VWF: variants seen among roughly 807,000 people sequenced by gnomAD.
The protein encoded by VWF is Factor VIII related antigen.
A neutral mutation model predicts 308.6 loss-of-function variants in VWF; 176 were observed. The observed-to-expected ratio is 0.57, with a 90% confidence interval of 0.50 to 0.65. The LOEUF is 0.65. VWF is among the 30% of genes least tolerant of loss of function. The pLI is 0.00. For missense variants in VWF, 3,146 were observed against 3,648.2 expected, an observed-to-expected ratio of 0.86 and a Z score of 3.55; for synonymous variants, 1,385 against 1,443.4, an observed-to-expected ratio of 0.96 and a Z score of 0.92.
chr12:6,108,330 T>TAC (rs1230831714), intron 5 of VWF, among the ~76,000 whole-genome samples: 10 of 50,460 alleles, frequency 2.0e-4, no homozygotes, highest in African/African-American at 4.8e-4. Context: ...AAGAAAGAAA[T>TAC]ATATACACAC....
Position 6,046,732 on chromosome 12 carries a change from A to T in VWF, c.2272T>A (p.Ser758Thr), listed in dbSNP as rs759131281. ...LPDAVLSSPLSHRSKRSLSCR... is the reference protein window; with the variant it reads ...LPDAVLSSPLTHRSKRSLSCR... The stretch of plus-strand genomic sequence containing the variant: ...GGGGGACAGTACTCACTGCGATGAG[A>T]CAGGGGACTGCTGAGGACAGCGTCA... The change falls in exon 17 of 52, where the codon TCT becomes ACT. Residue 758 changes from serine (S) to threonine (T), a missense_variant. Coordinates refer to ENST00000261405, the MANE Select transcript of VWF (RefSeq NM_000552.5). This position sits in a 1 kb window ranked among gnomAD's most constrained non-coding sequence, Gnocchi z 5.0. 4.3e-6 allele frequency: 7 copies of T among 1,614,008 alleles called. No individual in the cohort carries two copies. In the South Asian group the frequency reaches 6.6e-5, roughly 15 times the overall value.
chr12:6,039,289 G>A (rs1944371235), intron 18 of VWF, among the ~76,000 whole-genome samples: 1 of 152,218 alleles, frequency 6.6e-6, no homozygotes, highest in African/African-American at 2.4e-5. Flanking sequence ...TGAGAACGTG[G>A]TCCTACGTGT....
At chr12:6,079,609 CG>C (rs1944885577) in intron 6 of VWF, among the ~76,000 whole-genome samples, 1 of 136,110 alleles carries the variant, frequency 7.3e-6, no homozygotes, top group African/African-American at 3.1e-5. Context: ...GACTCTGTCT[CG>C]AAAAAAAAAA....
chr12:6,076,386 C>T (rs904714723), intron 6 of VWF, among the ~76,000 whole-genome samples: 3 of 152,150 alleles, frequency 2.0e-5, no homozygotes, highest in African/African-American at 4.8e-5. Flanking sequence ...AGTTGGATTG[C>T]GTCTTAGGAT....
chr12:6,022,423 A>C (rs1944139073), intron 26 of VWF, among the ~76,000 whole-genome samples: 1 of 152,020 alleles, frequency 6.6e-6, no homozygotes, highest in African/African-American at 2.4e-5. Context: ...AAAATTCAAA[A>C]CTTCAGTTCC....
intron 16 of VWF, among the ~76,000 whole-genome samples, chr12:6,051,172 T>C (rs1218946465): frequency 1.3e-5 from 2 of 152,042 alleles, no homozygotes; most frequent in African/African-American, 4.8e-5. Context: ...AAAATAAGAA[T>C]GGTAAAGTGC....
intron 34 of VWF, among the ~76,000 whole-genome samples, chr12:5,998,501 A>ATATATATATATATG (rs1943836883): frequency 4.1e-5 from 1 of 24,104 alleles, no homozygotes; most frequent in African/African-American, 1.6e-4. Context: ...AAAAAAAAAT[A>ATATATATATATATG]TATATATATA....
chr12:6,098,388 G>T lies in VWF; in HGVS notation c.533-2804C>A, dbSNP rs891898125. Among the ~76,000 whole-genome samples, 5 of 152,172 alleles carry T rather than the reference G, an allele frequency of 3.3e-5. No homozygotes were observed. In the East Asian group the frequency reaches 9.6e-4, roughly 29 times the overall value. On this transcript the variant is annotated intron_variant, in intron 5 of 51. Transcript: ENST00000261405. ...TTTAGGGCTGGGACTTCCATTTCTA[G>T]CAACATGACAGATTAGAAAACACTG... is the stretch of plus-strand genomic sequence containing the variant.
intron 34 of VWF, among the ~76,000 whole-genome samples, chr12:6,002,840 A>G (rs1256922134): frequency 1.3e-5 from 2 of 152,046 alleles, no homozygotes; most frequent in East Asian, 1.9e-4. Context: ...TTTTAACACC[A>G]ATATCTAAAC....
chr12:5,955,951 A>G (rs1943244927), intron 47 of VWF, among the ~76,000 whole-genome samples: 2 of 152,356 alleles, frequency 1.3e-5, no homozygotes, highest in South Asian at 4.1e-4. Flanking sequence ...AAGATGTAAA[A>G]AATATAAATA....
rs116684497 is a variant in VWF, at chr12:6,031,737, G to A, written c.2686-159C>T. Among the ~76,000 whole-genome samples, 267 of 151,898 alleles carry A rather than the reference G, an allele frequency of 1.8e-3. 2 individuals carry two copies. Among genetic ancestry groups the A allele is most frequent in the African/African-American group, 6.0e-3 (247 of 41,404 alleles). ...GTGCCTCTGTGTGTGTCTGGGGGAC[G>A]GGGGATATGCCCAGGTGAATGCCCT... On this transcript the variant is annotated intron_variant, in intron 20 of 51. Transcript: ENST00000261405.
At chr12:6,056,190 C>CT (rs1944576597) in intron 15 of VWF, among the ~76,000 whole-genome samples, 1 of 147,358 alleles carries the variant, frequency 6.8e-6, no homozygotes, top group Non-Finnish European at 1.5e-5. Flanking sequence ...ATCTGTGACT[C>CT]TAACAGTAAG....
At chr12:6,026,069 G>A in intron 22 of VWF, 23 bp from the exon 23 acceptor site, 1 of 1,613,928 alleles carries the variant, frequency 6.2e-7, no homozygotes, top group Non-Finnish European at 8.5e-7. Flanking sequence ...GTTGAGGGAT[G>A]AGCACCGTCA....
At chr12:5,989,062 G>A (rs1042456229) in intron 38 of VWF, among the ~76,000 whole-genome samples, 5 of 152,202 alleles carry the variant, frequency 3.3e-5, no homozygotes, top group African/African-American at 1.2e-4. Flanking sequence ...GACTAAGGGA[G>A]AGGGAAGGAG....
chr12:6,003,814 C>CTT (rs34433330), intron 34 of VWF, among the ~76,000 whole-genome samples: 43,689 of 122,574 alleles, frequency 0.36, 8,843 homozygotes, highest in East Asian at 0.71. Flanking sequence ...CTTTCTCTCT[C>CTT]TTTTTTTTTT....
intron 3 of VWF, among the ~76,000 whole-genome samples, chr12:6,117,062 CCAA>C (rs761612136): frequency 2.0e-5 from 3 of 152,124 alleles, no homozygotes; most frequent in African/African-American, 2.4e-5. Context: ...GCCACCACCA[CCAA>C]CAAGAGGCAA....
intron 34 of VWF, among the ~76,000 whole-genome samples, chr12:5,999,378 G>A (rs1288699783): frequency 6.6e-6 from 1 of 151,868 alleles, no homozygotes; most frequent in East Asian, 1.9e-4. Context: ...AGTGACTGGA[G>A]ACATAAAAAT....
chr12:5,964,250 G>GCATACATACATACATACATGCATA lies in VWF; in HGVS notation c.7887+3235_7887+3236insTATGCATGTATGTATGTATGTATG, dbSNP rs1943365364. Among the ~76,000 whole-genome samples the GCATACATACATACATACATGCATA allele has an allele frequency of 3.0e-3, 372 of 122,410 alleles. 5 individuals are homozygous for GCATACATACATACATACATGCATA. Among genetic ancestry groups the GCATACATACATACATACATGCATA allele is most frequent in the African/African-American group, 0.013 (365 of 27,410 alleles). The allele number at this position is 122,410 out of a possible 152,430, so 80.3% of individuals were successfully genotyped here. The stretch of plus-strand genomic sequence containing the variant: ...TACATACATACATACATACATACAT[G>GCATACATACATACATACATGCATA]CATACATACATACATACATACATGC... On this transcript the variant is annotated intron_variant, in intron 47 of 51. Coordinates refer to ENST00000261405, the MANE Select transcript of VWF (RefSeq NM_000552.5).
At chr12:5,963,930 A>G (rs564617724) in intron 47 of VWF, among the ~76,000 whole-genome samples, 3 of 152,246 alleles carry the variant, frequency 2.0e-5, no homozygotes, top group Non-Finnish European at 4.4e-5. Flanking sequence ...AAAAGCAGCC[A>G]GGCGCAGTGG....
Sources: allele counts gnomAD v4.1 joint callset (sites outside exome capture counted in the v4.1 genomes callset), GRCh38; gene constraint gnomAD v4.1.1; non-coding constraint Gnocchi (gnomAD v3.1); transcripts MANE v1.5; gene names NCBI Gene and HGNC (gene_info 2026-07-23, HGNC 2026-07-21).